HS3ST4: variants seen among roughly 807,000 people sequenced by gnomAD.
HS3ST4 encodes the protein heparan sulfate-glucosamine 3-sulfotransferase 4.
Under a neutral mutation model 29.2 loss-of-function variants are expected in HS3ST4, and 17 were observed. The ratio of observed to expected loss-of-function variants is 0.58; its 90% CI spans 0.40 to 0.87. The LOEUF (loss-of-function observed/expected upper bound fraction) is 0.87, where lower values mean the gene tolerates loss of function less well. Among genes scored for constraint, HS3ST4 ranks in the 40% least tolerant of loss-of-function variants. The pLI, the probability that HS3ST4 is intolerant of heterozygous loss-of-function variation, is 0.00. For missense variants in HS3ST4, 627 were observed against 634.5 expected (o/e 0.99, Z 0.13); for synonymous variants, 314 against 285.7 (o/e 1.10, Z -1.00).
intron 1 of HS3ST4, among the ~76,000 whole-genome samples, chr16:25,747,866 C>T (rs1027893892): frequency 2.6e-5 from 4 of 152,148 alleles, no homozygotes; most frequent in Non-Finnish European, 4.4e-5. Flanking sequence ...TAGCTCACCC[C>T]CTCCTGAGTT....
At chr16:26,129,234 G>A (rs189520596) in intron 1 of HS3ST4, among the ~76,000 whole-genome samples, 5 of 152,238 alleles carry the variant, frequency 3.3e-5, no homozygotes, top group Admixed American at 6.5e-5. Context: ...CCAGTGGCAA[G>A]TCAGGGATAG....
intron 1 of HS3ST4, among the ~76,000 whole-genome samples, chr16:25,747,349 T>C (rs1400366376): frequency 6.6e-6 from 1 of 152,224 alleles, no homozygotes; most frequent in East Asian, 1.9e-4. Context: ...TCAGCACCGT[T>C]GGCCGTGGAC....
intron 1 of HS3ST4, among the ~76,000 whole-genome samples, chr16:26,013,633 A>G (rs1286820563): frequency 2.0e-5 from 3 of 152,160 alleles, no homozygotes; most frequent in South Asian, 2.1e-4. Context: ...AATATTTCAA[A>G]TATGTCGAAA....
At chr16:25,845,687 A>G (rs1020090395) in intron 1 of HS3ST4, among the ~76,000 whole-genome samples, 1 of 120,024 alleles carries the variant, frequency 8.3e-6, no homozygotes, top group African/African-American at 3.2e-5. Flanking sequence ...ATAATAATAG[A>G]ATTCCCTACT....
At chr16:25,836,997 T>C (rs2141642488) in intron 1 of HS3ST4, among the ~76,000 whole-genome samples, 1 of 152,324 alleles carries the variant, frequency 6.6e-6, no homozygotes, top group South Asian at 2.1e-4. Flanking sequence ...GCTCACCTCT[T>C]CTCTTGGGAC....
At chr16:25,854,047 C>T (rs1354828674) in intron 1 of HS3ST4, among the ~76,000 whole-genome samples, 1 of 151,832 alleles carries the variant, frequency 6.6e-6, no homozygotes, top group Non-Finnish European at 1.5e-5. Context: ...TTGAGATTTT[C>T]TATTTCTTTA....
chr16:26,005,017 A>C (rs1204916263), intron 1 of HS3ST4, among the ~76,000 whole-genome samples: 1 of 152,126 alleles, frequency 6.6e-6, no homozygotes, highest in Non-Finnish European at 1.5e-5. Context: ...CTTTCCATTT[A>C]ATAACCTTTC....
chr16:25,838,036 C>T (rs1194415741), intron 1 of HS3ST4, among the ~76,000 whole-genome samples: 1 of 152,192 alleles, frequency 6.6e-6, no homozygotes, highest in Non-Finnish European at 1.5e-5. Context: ...GGCAGCCCAG[C>T]ATGAAGGTGC....
intron 1 of HS3ST4, among the ~76,000 whole-genome samples, chr16:25,809,162 C>T (rs752508520): frequency 1.7e-4 from 26 of 151,888 alleles, no homozygotes; most frequent in Non-Finnish European, 3.5e-4. Flanking sequence ...GACATCCTTG[C>T]CTTGTTTCTG....
chr16:26,018,311 T>A (rs1016424977), intron 1 of HS3ST4, among the ~76,000 whole-genome samples: 1 of 152,206 alleles, frequency 6.6e-6, no homozygotes, highest in South Asian at 2.1e-4. Flanking sequence ...TTATATCTTG[T>A]CAACAGGAAG....
chr16:26,105,797 A>T (rs189556057), intron 1 of HS3ST4, among the ~76,000 whole-genome samples: 295 of 152,348 alleles, frequency 1.9e-3, no homozygotes, highest in Admixed American at 0.012. Flanking sequence ...CCCTGTTCAG[A>T]TGTTACCTCT....
chr16:25,782,547 C>G (rs1458003176), intron 1 of HS3ST4, among the ~76,000 whole-genome samples: 4 of 152,160 alleles, frequency 2.6e-5, no homozygotes. Flanking sequence ...TACACTTGAT[C>G]AGGTTGCACT....
intron 1 of HS3ST4, among the ~76,000 whole-genome samples, chr16:26,107,673 A>T (rs907886334): frequency 2.0e-5 from 3 of 152,218 alleles, no homozygotes; most frequent in African/African-American, 4.8e-5. Flanking sequence ...GTTACTTCAC[A>T]TAGAATAATG....
At chr16:25,999,894 A>ATATATTTTATATATATTATATATATATAT (rs1555477414) in intron 1 of HS3ST4, among the ~76,000 whole-genome samples, 3 of 103,758 alleles carry the variant, frequency 2.9e-5, no homozygotes, top group African/African-American at 1.0e-4. Flanking sequence ...ATATATATAT[A>ATATATTTTATATATATTATATATATATAT]TTTTATATAT....
chr16:25,704,359 C>A (rs867848184), intron 1 of HS3ST4, among the ~76,000 whole-genome samples: 2 of 152,174 alleles, frequency 1.3e-5, no homozygotes, highest in Non-Finnish European at 2.9e-5. Context: ...CTCACAGTGG[C>A]CTCATGAAGT....
At chr16:26,009,746 C>T (rs1969293416) in intron 1 of HS3ST4, among the ~76,000 whole-genome samples, 1 of 152,222 alleles carries the variant, frequency 6.6e-6, no homozygotes, top group African/African-American at 2.4e-5. Context: ...TGAGCTAAAG[C>T]AGTTCACGTG....
At chr16:26,128,315 G>T (rs1188269943) in intron 1 of HS3ST4, among the ~76,000 whole-genome samples, 4 of 152,094 alleles carry the variant, frequency 2.6e-5, no homozygotes, top group Non-Finnish European at 5.9e-5. Flanking sequence ...CCCCATAGTT[G>T]GTACGTAATA....
At chr16:26,118,048 G>A (rs897308500) in intron 1 of HS3ST4, among the ~76,000 whole-genome samples, 2 of 152,112 alleles carry the variant, frequency 1.3e-5, no homozygotes, top group East Asian at 1.9e-4. Context: ...TGGTAGAATG[G>A]TCACAGAAAG....
At chr16:25,960,085 G>A (rs1968779656) in intron 1 of HS3ST4, among the ~76,000 whole-genome samples, 2 of 152,054 alleles carry the variant, frequency 1.3e-5, no homozygotes, top group Non-Finnish European at 2.9e-5. Flanking sequence ...GCAGTAAGCC[G>A]AGATCATGCC....
Sources: gnomAD v4.1 joint callset for allele counts (sites outside exome capture counted in the v4.1 genomes callset) on GRCh38, gnomAD v4.1.1 for gene constraint, MANE v1.5 for transcripts, NCBI Gene and HGNC (gene_info 2026-07-23, HGNC 2026-07-21) for gene names.